PRPF38B: variants seen among roughly 807,000 people sequenced by gnomAD.
PRPF38B encodes the protein pre-mRNA processing factor 38B, also known as pre-mRNA-splicing factor 38B.
PRPF38B carries 18 observed loss-of-function variants against 67.2 expected under a neutral mutation model. The observed-to-expected ratio is 0.27, with a 90% confidence interval of 0.19 to 0.40. PRPF38B has a LOEUF of 0.40. Among genes scored for constraint, PRPF38B ranks in the 10% least tolerant of loss-of-function variants. The pLI, the probability that PRPF38B is intolerant of heterozygous loss-of-function variation, is 1.00. For missense variants in PRPF38B, 544 were observed against 684.9 expected, an observed-to-expected ratio of 0.79 and a Z score of 2.30; for synonymous variants, 246 against 234.2, an observed-to-expected ratio of 1.05 and a Z score of -0.46.
rs1364108952 is a variant in PRPF38B, at chr1:108,692,807, C to T, written c.216C>T (p.Phe72=). The T allele has an allele frequency of 1.9e-6, 3 of 1,614,206 alleles. No homozygotes were observed. The highest frequency in any genetic ancestry group is 3.3e-5 in the Admixed American group (2 of 60,032). Residue 72 remains phenylalanine, a synonymous_variant, in exon 1 of 6, where the codon TTC becomes TTT. Transcript: ENST00000370025. ...ILTNILSSPY[F]KVQLYELKTY... ...CCAACATCCTGTCGTCGCCTTACTT[C>T]AAAGTACAGCTCTACGAGCTCAAGA...
chr1:108,695,577 C>T, intron 1 of PRPF38B, 125 bp from the exon 2 acceptor site: 2 of 865,028 alleles, frequency 2.3e-6, no homozygotes, highest in Non-Finnish European at 3.6e-6. Context: ...TATCAGTAAA[C>T]ATATACTTAA....
chr1:108,692,337 A>C lies in PRPF38B; in HGVS notation c.-255A>C. The stretch of plus-strand genomic sequence containing the variant: ...CTTGTTCCCAGGGGCAGTTGGCGGA[A>C]GAGATCGAGCTCCCTGGCTGCCGGC... On this transcript the variant is annotated 5_prime_UTR_variant, in exon 1 of 6. Transcript: ENST00000370025. The C allele has an allele frequency of 9.4e-6, 5 of 532,242 alleles. No homozygotes were observed. Among genetic ancestry groups the C allele is most frequent in the Non-Finnish European group, 3.3e-6 (1 of 299,158 alleles). The allele number at this position is 532,242 out of a possible 1,614,324, so 33.0% of individuals were successfully genotyped here.
chr1:108,698,504 T>G, intron 4 of PRPF38B, 100 bp from the exon 5 acceptor site: 1 of 898,622 alleles, frequency 1.1e-6, no homozygotes, highest in Non-Finnish European at 1.7e-6. Context: ...TGTTAGTTTT[T>G]TTTGTATTGA....
Position 108,698,728 on chromosome 1 carries a change from A to C in PRPF38B, c.683A>C (p.Asn228Thr), listed in dbSNP as rs750329776. Residue 228 changes from asparagine (N) to threonine (T), a missense_variant, in exon 5 of 6, where the codon AAT (asparagine) becomes ACT (threonine). Physicochemically the swap from Asn to Thr is moderately conservative, Grantham distance 65. Coordinates refer to ENST00000370025, the MANE Select transcript of PRPF38B (RefSeq NM_018061.4). ...FPRIPVPVQK[N>T]IDQQIKTRPR... ...AGAATTCCAGTTCCAGTTCAAAAGA[A>C]TATTGATCAACAGATTAAAACCCGA... is the stretch of plus-strand genomic sequence containing the variant. The C allele has an allele frequency of 1.9e-6, 3 of 1,613,954 alleles. No individual in the cohort carries two copies. In the East Asian group the frequency reaches 6.7e-5, roughly 36 times the overall value.
chr1:108,698,626 G>A lies in PRPF38B; in HGVS notation c.581G>A (p.Gly194Glu). 6.2e-7 allele frequency: 1 copy of A among 1,611,656 alleles called. No individual in the cohort carries two copies. The highest frequency in any genetic ancestry group is 8.5e-7 in the Non-Finnish European group (1 of 1,177,848). The change falls in exon 5 of 6, where the codon GGA becomes GAA. Residue 194 changes from glycine to glutamate, a missense_variant. Around this residue, in one of 5 missense-constraint regions of PRPF38B, gnomAD observed 57 missense variants for 122.7 expected, o/e 0.46. Coordinates refer to ENST00000370025, the MANE Select transcript of PRPF38B (RefSeq NM_018061.4). ...DEEDLDVKAG[G>E]GCVMTIGEML... ...TAGGACCTAGATGTGAAGGCTGGTG[G>A]AGGCTGTGTAATGACCATTGGAGAA...
chr1:108,692,398 C>T lies in PRPF38B; in HGVS notation c.-194C>T. ...CGTGGAGTTCTCGCGGTCTGGGTTT[C>T]GCTGTCTGCTCTTGGCCCGGGGTCA... On this transcript the variant is annotated 5_prime_UTR_variant, in exon 1 of 6. Coordinates refer to ENST00000370025, the MANE Select transcript of PRPF38B (RefSeq NM_018061.4). 1.6e-6 allele frequency: 1 copy of T among 635,732 alleles called. No individual in the cohort carries two copies. The highest frequency in any genetic ancestry group is 2.7e-6 in the Non-Finnish European group (1 of 376,718). 39.4% of individuals were successfully genotyped at this position (635,732 alleles called of 1,614,324 possible).
chr1:108,699,703 A>G lies in PRPF38B; in HGVS notation c.1324A>G (p.Arg442Gly). The change falls in exon 6 of 6, where the codon AGA becomes GGA. Residue 442 changes from arginine to glycine, a missense_variant. By Grantham distance (125) the Arg-to-Gly change is moderately radical (BLOSUM62 -2). Around this residue, in one of 5 missense-constraint regions of PRPF38B, gnomAD observed 387 missense variants for 386.1 expected, o/e 1.00. Transcript: ENST00000370025. ...ERKHRSRSRS[R>G]NAGKRSRSRS... ...GAAACACAGAAGTAGGAGTCGAAGT[A>G]GAAATGCAGGGAAACGAAGTAGAAG... is the stretch of plus-strand genomic sequence containing the variant. 5 of 1,610,260 alleles carry G rather than the reference A, an allele frequency of 3.1e-6. No homozygotes were observed. In the South Asian group the frequency reaches 5.5e-5, roughly 18 times the overall value.
In PRPF38B at chr1:108,701,287, T is replaced by TCC. The variant is rs1660467798; in HGVS notation, c.*1267_*1268insCC. On this transcript the variant is annotated 3_prime_UTR_variant, in exon 6 of 6. Coordinates refer to ENST00000370025, the MANE Select transcript of PRPF38B (RefSeq NM_018061.4). ...TAGAGTCACACTTTGTGTACAGGGATGTCTTAGTGCCCAGATGACAAGTGA... is the reference window on the plus strand; with the variant it reads ...TAGAGTCACACTTTGTGTACAGGGATCCGTCTTAGTGCCCAGATGACAAGTGA... The TCC allele has an allele frequency of 1.3e-5, 2 of 152,630 alleles. No individual in the cohort carries two copies. Among genetic ancestry groups the TCC allele is most frequent in the African/African-American group, 4.8e-5 (2 of 41,442 alleles). The allele number at this position is 152,630 out of a possible 1,614,324, so 9.5% of individuals were successfully genotyped here. A position where few individuals can be genotyped will look rare whatever the true frequency, so the allele number is the denominator to read the frequency against.
At chr1:108,692,983 G>A in intron 1 of PRPF38B, 116 bp downstream of exon 1, 1 of 1,321,634 alleles carries the variant, frequency 7.6e-7, no homozygotes, top group African/African-American at 1.5e-5. Context: ...AGGTGGTTCG[G>A]CGGAGGGGTG....
At chr1:108,698,271 TC>T (rs1444345055) in intron 4 of PRPF38B, 10 of 203,038 alleles carry the variant, frequency 4.9e-5, no homozygotes, top group Non-Finnish European at 9.0e-5. Context: ...TGCAAATATG[TC>T]CACAGAAATA....
chr1:108,694,574 A>G (rs1363701498), intron 1 of PRPF38B, among the ~76,000 whole-genome samples: 3 of 152,172 alleles, frequency 2.0e-5, no homozygotes, highest in African/African-American at 7.2e-5. Context: ...AAGGAATTGA[A>G]ACATCTTTTA....
chr1:108,697,057 A>G (rs1197677173), intron 4 of PRPF38B: 1 of 363,226 alleles, frequency 2.8e-6, no homozygotes, highest in African/African-American at 2.1e-5. Context: ...CCTGAGCAAT[A>G]TAGTGAGACC....
rs1340700013 is a variant in PRPF38B at position 108,700,786 on chromosome 1, A to C, written c.*766A>C. The stretch of plus-strand genomic sequence containing the variant: ...ATCTTTTTTTCTTGAATTCTTTCTC[A>C]GATTTTAAAGTACTATATTAAAGAA... On this transcript the variant is annotated 3_prime_UTR_variant, in exon 6 of 6. Transcript: ENST00000370025. 2 of 152,552 alleles carry C rather than the reference A, an allele frequency of 1.3e-5. No homozygotes were observed. The highest frequency in any genetic ancestry group is 4.8e-5 in the African/African-American group (2 of 41,424). The allele number at this position is 152,552 out of a possible 1,614,324, so 9.4% of individuals were successfully genotyped here. A position where few individuals can be genotyped will look rare whatever the true frequency, so the allele number is the denominator to read the frequency against.
Position 108,699,492 on chromosome 1 carries a change from T to A in PRPF38B, c.1113T>A (p.Asp371Glu), listed in dbSNP as rs1026548637. Residue 371 changes from aspartate (D) to glutamate (E), a missense_variant, in exon 6 of 6, where the codon GAT (aspartate) becomes GAA (glutamate). Physicochemically the swap from Asp to Glu is conservative, Grantham distance 45 (BLOSUM62 2). Transcript: ENST00000370025. Reference protein sequence around the residue: ...ERGRRRDRDYDKERGNEREKE... With the variant: ...ERGRRRDRDYEKERGNEREKE... ...GTAGAAGACGAGATCGTGACTATGATAAGGAAAGAGGAAATGAACGAGAAA... is the reference window on the plus strand; with the variant it reads ...GTAGAAGACGAGATCGTGACTATGAAAAGGAAAGAGGAAATGAACGAGAAA... 11 of 1,589,120 alleles carry A rather than the reference T, an allele frequency of 6.9e-6. No individual in the cohort carries two copies. The highest frequency in any genetic ancestry group is 9.4e-6 in the Non-Finnish European group (11 of 1,167,964).
intron 2 of PRPF38B, 134 bp downstream of exon 2, chr1:108,695,904 AG>A: frequency 7.4e-7 from 1 of 1,349,114 alleles, no homozygotes; most frequent in Non-Finnish European, 1.0e-6. Context: ...TCAGTGAAAT[AG>A]GGTTAGAAAA....
Position 108,699,398 on chromosome 1 carries a change from G to A in PRPF38B, c.1019G>A (p.Ser340Asn). 6.2e-7 allele frequency: 1 copy of A among 1,614,126 alleles called. No individual in the cohort carries two copies. The highest frequency in any genetic ancestry group is 8.5e-7 in the Non-Finnish European group (1 of 1,180,030). The change falls in exon 6 of 6, where the codon AGT becomes AAT. Residue 340 changes from serine to asparagine, a missense_variant. Transcript: ENST00000370025. ...SRSRERHRSR[S>N]RSRDRKGDRR... ...AGTAGGGAAAGGCATAGAAGTCGCA[G>A]TCGAAGTCGTGATAGGAAAGGGGAT...
chr1:108,695,672 G>C, intron 1 of PRPF38B, 30 bp from the exon 2 acceptor site: 1 of 1,609,178 alleles, frequency 6.2e-7, no homozygotes, highest in Non-Finnish European at 8.5e-7. Context: ...AAGTATGAAT[G>C]TTTGTTGTGT....
rs1660435784 is a variant in PRPF38B at position 108,701,005 on chromosome 1, T to C, written c.*985T>C. 6.6e-6 allele frequency: 1 copy of C among 152,614 alleles called. No homozygotes were observed. Among genetic ancestry groups the C allele is most frequent in the African/African-American group, 2.4e-5 (1 of 41,460 alleles). The allele number at this position is 152,614 out of a possible 1,614,324, so 9.5% of individuals were successfully genotyped here. On this transcript the variant is annotated 3_prime_UTR_variant, in exon 6 of 6. Coordinates refer to ENST00000370025, the MANE Select transcript of PRPF38B (RefSeq NM_018061.4). The stretch of plus-strand genomic sequence containing the variant: ...TTTTAAAATTCAGAACTTTTTTTAT[T>C]GATAATGGAGATTGCTGTTTGAGTT...
chr1:108,700,377 G>A lies in PRPF38B; in HGVS notation c.*357G>A, dbSNP rs1431070251. 5.6e-6 allele frequency: 1 copy of A among 178,374 alleles called. No individual in the cohort carries two copies. Among genetic ancestry groups the A allele is most frequent in the African/African-American group, 2.4e-5 (1 of 42,066 alleles). 11.0% of individuals were successfully genotyped at this position (178,374 alleles called of 1,614,324 possible). On this transcript the variant is annotated 3_prime_UTR_variant, in exon 6 of 6. Coordinates refer to ENST00000370025, the MANE Select transcript of PRPF38B (RefSeq NM_018061.4). ...ACTGCCACTAATCTATTTTTGTTTT[G>A]TAGGTGTGGGATTATGGTTTGTGTA...
Sources: gnomAD v4.1 joint callset for allele counts (sites outside exome capture counted in the v4.1 genomes callset) on GRCh38, gnomAD v4.1.1 for gene constraint, gnomAD v4.1.1 regional missense constraint, MANE v1.5 for transcripts, NCBI Gene and HGNC (gene_info 2026-07-23, HGNC 2026-07-21) for gene names.